The following CTNND2 variants were observed in gnomAD, a reference collection of about 807,000 sequenced individuals.
CTNND2 encodes the protein catenin delta 2.
In CTNND2, 22 loss-of-function variants were observed where a neutral mutation model predicts 144.4. The observed-to-expected ratio is 0.15, with a 90% CI of 0.11 to 0.22. The LOEUF (loss-of-function observed/expected upper bound fraction) is 0.22, where lower values mean the gene tolerates loss of function less well. Ranked by LOEUF, CTNND2 falls within the 10% of genes least tolerant of loss-of-function variation. The pLI, the probability that CTNND2 is intolerant of heterozygous loss-of-function variation, is 1.00. For missense variants in CTNND2, 1,353 were observed against 1,618.8 expected (o/e 0.84, Z 2.82); for synonymous variants, 751 against 695.6 (o/e 1.08, Z -1.25).
rs35127513 is a variant in CTNND2 at position 11,044,545 on chromosome 5, C to CATATATAT, written c.2789-21574_2789-21567dup. ...CACATGCTTGCAAAAAAAAAAAATACATATATATATATATATATAAATGGG... is the reference window on the plus strand; with the variant it reads ...CACATGCTTGCAAAAAAAAAAAATACATATATATATATATATATATATATATAAATGGG... On this transcript the variant is annotated intron_variant, in intron 16 of 21. Coordinates refer to ENST00000304623, the MANE Select transcript of CTNND2 (RefSeq NM_001332.4). Among the ~76,000 whole-genome samples the CATATATAT allele has an allele frequency of 1.5e-3, 213 of 146,720 alleles. 1 individual carries two copies. Among genetic ancestry groups the CATATATAT allele is most frequent in the African/African-American group, 4.8e-3 (193 of 40,476 alleles).
At chr5:11,130,998 G>A (rs1755541478) in intron 12 of CTNND2, among the ~76,000 whole-genome samples, 1 of 152,154 alleles carries the variant, frequency 6.6e-6, no homozygotes, top group Middle Eastern at 3.2e-3. Flanking sequence ...GCATTACCAT[G>A]CTTGCTAAAT....
chr5:11,025,692 T>C (rs1047883408), intron 16 of CTNND2, among the ~76,000 whole-genome samples: 21 of 152,212 alleles, frequency 1.4e-4, no homozygotes, highest in African/African-American at 5.1e-4. Flanking sequence ...TTCTTGACAA[T>C]AATGTTCTCT....
chr5:11,400,370 G>T (rs1421682353), intron 5 of CTNND2, among the ~76,000 whole-genome samples: 2 of 152,052 alleles, frequency 1.3e-5, no homozygotes, highest in Non-Finnish European at 2.9e-5. Flanking sequence ...TGTCCTTCTT[G>T]GCCACAGAGA....
chr5:11,520,266 C>T (rs568047620), intron 3 of CTNND2, among the ~76,000 whole-genome samples: 21 of 152,110 alleles, frequency 1.4e-4, no homozygotes, highest in Admixed American at 9.2e-4. Context: ...CCTCAGTATT[C>T]CACATTCTAG....
rs61751661 is a variant in CTNND2, at chr5:11,024,296, G to C, written c.2789-1317C>G. Among the ~76,000 whole-genome samples, 626 of 152,304 alleles carry C rather than the reference G, an allele frequency of 4.1e-3. 3 individuals are homozygous for C. Among genetic ancestry groups the C allele is most frequent in the African/African-American group, 0.014 (587 of 41,552 alleles). On this transcript the variant is annotated intron_variant, in intron 16 of 21. Transcript: ENST00000304623. ...ATACTTAAATTACTGAAATAGAAAA[G>C]TGTGTTCATTCACTTGATGATAGCT...
intron 9 of CTNND2, among the ~76,000 whole-genome samples, chr5:11,298,224 C>T (rs1749218996): frequency 6.6e-6 from 1 of 152,170 alleles, no homozygotes. Flanking sequence ...GTCACCCAGG[C>T]TGGAGGCACA....
At chr5:11,651,334 GC>G (rs1444704615) in intron 2 of CTNND2, among the ~76,000 whole-genome samples, 4 of 152,214 alleles carry the variant, frequency 2.6e-5, no homozygotes, top group African/African-American at 9.7e-5. Context: ...AGGCTTTGGA[GC>G]CTCTGTATAG....
chr5:11,646,159 T>C (rs1782336183), intron 2 of CTNND2, among the ~76,000 whole-genome samples: 1 of 152,142 alleles, frequency 6.6e-6, no homozygotes, highest in Admixed American at 6.5e-5. Flanking sequence ...GCCCTCCCTC[T>C]AGCCTTGTTT....
At chr5:11,395,692 A>G (rs1030233853) in intron 6 of CTNND2, among the ~76,000 whole-genome samples, 1 of 152,248 alleles carries the variant, frequency 6.6e-6, no homozygotes, top group African/African-American at 2.4e-5. Flanking sequence ...GCATTGTGAG[A>G]AGGTAAGACT....
chr5:11,779,974 T>TG (rs1790455869), intron 1 of CTNND2, among the ~76,000 whole-genome samples: 1 of 152,140 alleles, frequency 6.6e-6, no homozygotes, highest in East Asian at 1.9e-4. Flanking sequence ...CCACTAGGAT[T>TG]GGGGGAAGGA....
chr5:11,592,781 G>A (rs150638796), intron 2 of CTNND2, among the ~76,000 whole-genome samples: 146 of 151,274 alleles, frequency 9.7e-4, no homozygotes, highest in African/African-American at 3.5e-3. Context: ...AATTTATATC[G>A]AAATGCACAG....
At chr5:11,016,995 T>C (rs1741677928) in intron 18 of CTNND2, among the ~76,000 whole-genome samples, 1 of 151,952 alleles carries the variant, frequency 6.6e-6, no homozygotes, top group Non-Finnish European at 1.5e-5. Context: ...CAGGCTGGTC[T>C]CAAACTCCTG....
chr5:11,163,595 A>G (rs944176045), intron 11 of CTNND2, among the ~76,000 whole-genome samples: 2 of 152,248 alleles, frequency 1.3e-5, no homozygotes. Context: ...TCTCTGCTTC[A>G]CTTTCCTATC....
intron 10 of CTNND2, among the ~76,000 whole-genome samples, chr5:11,232,121 G>A (rs1485354176): frequency 1.3e-5 from 2 of 152,254 alleles, no homozygotes; most frequent in Admixed American, 1.3e-4. Context: ...GAAACACCCT[G>A]AATGTCCAGG....
rs910581527 is a variant in CTNND2, at chr5:11,882,904, A to C, written c.37+20913T>G. Among the ~76,000 whole-genome samples, 8 of 152,292 alleles carry C rather than the reference A, an allele frequency of 5.3e-5. No individual in the cohort carries two copies. The East Asian group carries it at 1.5e-3, about 29-fold the overall frequency. ...TCTATAGATTTCTTTAGTAGTATGG[A>C]CATATTAATTTTAACATATTAATTA... On this transcript the variant is annotated intron_variant, in intron 1 of 21. Transcript: ENST00000304623.
Position 11,904,001 on chromosome 5 carries a change from G to T in CTNND2, c.-148C>A. 2 of 915,012 alleles carry T rather than the reference G, an allele frequency of 2.2e-6. No individual in the cohort carries two copies. Among genetic ancestry groups the T allele is most frequent in the Non-Finnish European group, 2.8e-6 (2 of 704,020 alleles). 56.7% of individuals were successfully genotyped at this position (915,012 alleles called of 1,614,324 possible). On this transcript the variant is annotated 5_prime_UTR_variant, in exon 1 of 22. Transcript: ENST00000304623. The surrounding 1 kb of genome is among the most constrained non-coding windows in gnomAD (Gnocchi z 4.2). ...GCCGCGGGACAAGGGATGCTGGCGG[G>T]CGGCAGGGGCGAGCGCCGCGGGCGA...
chr5:11,622,479 A>G (rs1054934292), intron 2 of CTNND2, among the ~76,000 whole-genome samples: 2 of 152,200 alleles, frequency 1.3e-5, no homozygotes, highest in South Asian at 4.1e-4. Context: ...CTTATCAGAA[A>G]TGGACATCTC....
At chr5:11,576,690 C>A (rs1581536826) in intron 2 of CTNND2, among the ~76,000 whole-genome samples, 2 of 152,284 alleles carry the variant, frequency 1.3e-5, no homozygotes, top group African/African-American at 4.8e-5. Context: ...TTTTATCCTA[C>A]ATCATTACAT....
chr5:11,494,695 A>G (rs1769771518), intron 3 of CTNND2, among the ~76,000 whole-genome samples: 2 of 152,176 alleles, frequency 1.3e-5, no homozygotes, highest in Admixed American at 1.3e-4. Flanking sequence ...GTTTCAGAAA[A>G]GAATAATTGA....
Sources: gnomAD v4.1 joint callset for allele counts (sites outside exome capture counted in the v4.1 genomes callset) on GRCh38, gnomAD v4.1.1 for gene constraint, Gnocchi (gnomAD v3.1) non-coding constraint, MANE v1.5 for transcripts, NCBI Gene and HGNC (gene_info 2026-07-23, HGNC 2026-07-21) for gene names.